ORC2: variants seen among roughly 807,000 people sequenced by gnomAD.
ORC2 encodes origin recognition complex protein 2 homolog.
In ORC2, 37 loss-of-function variants were observed where a neutral mutation model predicts 77.7. The ratio of observed to expected loss-of-function variants is 0.48; its 90% confidence interval spans 0.37 to 0.63. ORC2 has a LOEUF of 0.63. ORC2 is among the 20% of genes least tolerant of loss of function. The probability of loss-of-function intolerance (pLI) is 0.00; values close to 1 mark genes in which losing one functional copy is unlikely to be tolerated. For synonymous variants in ORC2, 201 were observed against 229.5 expected (o/e 0.88, Z 1.12); for missense variants, 557 against 661.9 (o/e 0.84, Z 1.74).
At chr2:200,912,865 C>G (rs1404149293) in intron 17 of ORC2, among the ~76,000 whole-genome samples, 1 of 152,080 alleles carries the variant, frequency 6.6e-6, no homozygotes, top group Non-Finnish European at 1.5e-5. Flanking sequence ...GTTATGTGTG[C>G]GATTACTTGA....
At chr2:200,949,901 G>A (rs1204961582) in intron 4 of ORC2, among the ~76,000 whole-genome samples, 1 of 152,084 alleles carries the variant, frequency 6.6e-6, no homozygotes, top group East Asian at 1.9e-4. Flanking sequence ...CAGATTAGAG[G>A]GATATGCATT....
In ORC2 at chr2:200,926,915, A is replaced by G; in HGVS notation, c.918-15T>C. 1 of 1,610,012 alleles carries G rather than the reference A, an allele frequency of 6.2e-7. No homozygotes were observed. The highest frequency in any genetic ancestry group is 1.1e-5 in the South Asian group (1 of 90,586). On this transcript the variant is annotated splice_polypyrimidine_tract_variant and intron_variant, in intron 11 of 17. Coordinates refer to ENST00000234296, the MANE Select transcript of ORC2 (RefSeq NM_006190.5). ...TGAACCCAAGGCTGTTAGGAAAGACAGTATTCATGAAATTAAACTTCAATA... is the reference window on the plus strand; with the variant it reads ...TGAACCCAAGGCTGTTAGGAAAGACGGTATTCATGAAATTAAACTTCAATA...
At position 200,957,523 on chromosome 2, in the gene ORC2, C is replaced by T. The variant is rs763207664; in HGVS notation, c.116G>A (p.Arg39Gln). Residue 39 changes from arginine to glutamine, a missense_variant, in exon 4 of 18, where the codon CGA becomes CAA. Arg to Gln is a conservative substitution (Grantham distance 43). Coordinates refer to ENST00000234296, the MANE Select transcript of ORC2 (RefSeq NM_006190.5). The stretch of plus-strand genomic sequence containing the variant: ...TTTGGGGTTGACCAAAAGCTGCGCT[C>T]GCTCCTTCTTCAATTTAGCTCCTAT... ...REGGAKLKKE[R>Q]AQLLVNPKKI... 6.0e-5 allele frequency: 96 copies of T among 1,605,332 alleles called. No individual in the cohort carries two copies. Among genetic ancestry groups the T allele is most frequent in the Non-Finnish European group, 7.4e-5 (87 of 1,176,020 alleles).
At chr2:200,913,250 T>TA (rs757626704) in intron 17 of ORC2, 45 bp downstream of exon 17, 1 of 1,408,484 alleles carries the variant, frequency 7.1e-7, no homozygotes, top group African/African-American at 1.4e-5. Flanking sequence ...AAGTAAATGA[T>TA]ACGGACTATT....
At chr2:200,917,634 G>T (rs572200567) in intron 15 of ORC2, among the ~76,000 whole-genome samples, 2 of 152,242 alleles carry the variant, frequency 1.3e-5, no homozygotes, top group South Asian at 4.1e-4. Context: ...TTACACACAC[G>T]AGTGCAGCAT....
At chr2:200,948,837 C>T (rs2041297925) in intron 5 of ORC2, among the ~76,000 whole-genome samples, 1 of 152,094 alleles carries the variant, frequency 6.6e-6, no homozygotes, top group Non-Finnish European at 1.5e-5. Context: ...TCCCAAAGTG[C>T]TGGGATTACA....
chr2:200,952,549 C>T (rs1036179017), intron 4 of ORC2, among the ~76,000 whole-genome samples: 1 of 152,214 alleles, frequency 6.6e-6, no homozygotes, highest in Admixed American at 6.5e-5. Context: ...GCATGAGCCA[C>T]CGCGCCCGGC....
intron 15 of ORC2, among the ~76,000 whole-genome samples, chr2:200,917,084 T>C (rs1302345705): frequency 6.8e-6 from 1 of 147,546 alleles, no homozygotes; most frequent in Non-Finnish European, 1.5e-5. Flanking sequence ...AACCTTTACC[T>C]CCTGGGTTCA....
In ORC2 at chr2:200,915,701, C is replaced by CT. The variant is rs200322422; in HGVS notation, c.1467-1710dup. 2.8e-3 allele frequency among the ~76,000 whole-genome samples: 404 copies of CT among 146,372 alleles called. 3 individuals are homozygous for CT. Among genetic ancestry groups the CT allele is most frequent in the African/African-American group, 8.4e-3 (339 of 40,186 alleles). On this transcript the variant is annotated intron_variant, in intron 15 of 17. Coordinates refer to ENST00000234296, the MANE Select transcript of ORC2 (RefSeq NM_006190.5). ...ATATTTTGGATCATCTCAATGAACA[C>CT]TTTTTTTTTTTTGAGACAGAATCTC...
intron 1 of ORC2, among the ~76,000 whole-genome samples, chr2:200,961,319 C>T (rs1387459565): frequency 6.6e-6 from 1 of 151,892 alleles, no homozygotes; most frequent in Admixed American, 6.6e-5. Flanking sequence ...AATGCCAAGC[C>T]TTGCTAATTT....
In ORC2 at chr2:200,956,773, AAAAT is replaced by A. The variant is rs557684169; in HGVS notation, c.238+624_238+627del. ...GGTGACTGAGCAAGACCCTGTCTCT[AAAAT>A]AAATAAATAAATAAATAAATAATCT... On this transcript the variant is annotated intron_variant, in intron 4 of 17. Transcript: ENST00000234296. Among the ~76,000 whole-genome samples the A allele has an allele frequency of 9.9e-5, 15 of 152,202 alleles. No homozygotes were observed. In the East Asian group the frequency reaches 1.5e-3, roughly 16 times the overall value.
intron 7 of ORC2, among the ~76,000 whole-genome samples, chr2:200,939,393 A>G (rs1378724616): frequency 6.6e-6 from 1 of 152,096 alleles, no homozygotes; most frequent in Non-Finnish European, 1.5e-5. Flanking sequence ...ACTAATAAAT[A>G]ATTTTTTCCT....
intron 17 of ORC2, 99 bp from the exon 18 acceptor site, chr2:200,911,486 T>C (rs1194061500): frequency 1.6e-6 from 1 of 638,666 alleles, no homozygotes; most frequent in Non-Finnish European, 2.7e-6. Flanking sequence ...ATTTCTTGGA[T>C]GTAATTTTTA....
chr2:200,913,680 A>G (rs977504677), intron 16 of ORC2: 1 of 1,331,808 alleles, frequency 7.5e-7, no homozygotes, highest in African/African-American at 1.5e-5. Context: ...TGGCAGATAC[A>G]CATCCATAGT....
At chr2:200,918,504 T>TC (rs1320308909) in intron 15 of ORC2, among the ~76,000 whole-genome samples, 1 of 151,848 alleles carries the variant, frequency 6.6e-6, no homozygotes, top group African/African-American at 2.4e-5. Flanking sequence ...TTTTTTTTTT[T>TC]TTGAGACAGA....
At chr2:200,948,034 G>A (rs371558958) in intron 5 of ORC2, among the ~76,000 whole-genome samples, 67 of 151,422 alleles carry the variant, frequency 4.4e-4, no homozygotes, top group East Asian at 3.1e-3. Context: ...TCAACCTCCC[G>A]AGTAGCTGGG....
At chr2:200,957,582 T>C in intron 3 of ORC2, 38 bp from the exon 4 acceptor site, 3 of 1,443,554 alleles carry the variant, frequency 2.1e-6, no homozygotes, top group Non-Finnish European at 2.8e-6. Flanking sequence ...ATGACAGGTA[T>C]AAATTCTTTC....
At chr2:200,956,773 AAAATAAAT>A (rs557684169) in intron 4 of ORC2, among the ~76,000 whole-genome samples, 1 of 152,086 alleles carries the variant, frequency 6.6e-6, no homozygotes, top group Non-Finnish European at 1.5e-5. Context: ...CCCTGTCTCT[AAAATAAAT>A]AAATAAATAA....
chr2:200,956,292 T>G (rs780220191), intron 4 of ORC2, among the ~76,000 whole-genome samples: 1 of 151,948 alleles, frequency 6.6e-6, no homozygotes, highest in Admixed American at 6.6e-5. Context: ...TGTAGTGGTA[T>G]GATCACGGCT....
Sources: allele counts gnomAD v4.1 joint callset (sites outside exome capture counted in the v4.1 genomes callset), GRCh38; gene constraint gnomAD v4.1.1; transcripts MANE v1.5; gene names NCBI Gene and HGNC (gene_info 2026-07-23, HGNC 2026-07-21).